The following FTCDNL1 variants were observed in gnomAD, a reference collection of about 807,000 sequenced individuals.
FTCDNL1 encodes formiminotransferase N-terminal subdomain-containing protein.
In FTCDNL1, 11 loss-of-function variants were observed where a neutral mutation model predicts 5.9. That is an observed-to-expected ratio of 1.87 (90% CI 1.18 to 3.10). The LOEUF (loss-of-function observed/expected upper bound fraction) is 3.10, where lower values mean the gene tolerates loss of function less well. Among genes scored for constraint, FTCDNL1 ranks in the 30% most tolerant of loss-of-function variants. FTCDNL1 has a pLI of 0.00. For synonymous variants in FTCDNL1, 58 were observed against 24.8 expected, an observed-to-expected ratio of 2.34 and a Z score of -3.99; for missense variants, 115 against 65.5, an observed-to-expected ratio of 1.76 and a Z score of -2.61.
the FTCDNL1 span, among the ~76,000 whole-genome samples, chr2:199,720,372 G>C: frequency 6.6e-6 from 1 of 152,166 alleles, no homozygotes; most frequent in South Asian, 2.1e-4. Context: ...CTTGGATTTG[G>C]CTAGTGGGTT....
intron 3 of FTCDNL1, 69 bp from the exon 4 acceptor site, chr2:199,819,826 AT>A (rs955636163): frequency 2.5e-4 from 165 of 652,652 alleles, no homozygotes; most frequent in Non-Finnish European, 4.2e-4. Context: ...AAAGCATATA[AT>A]TTTTTTGCTG....
chr2:199,672,947 T>C, the FTCDNL1 span, among the ~76,000 whole-genome samples: 2 of 152,138 alleles, frequency 1.3e-5, no homozygotes, highest in Admixed American at 1.3e-4. Context: ...CTCAATCTTT[T>C]ATTGCAGGAG....
chr2:199,729,596 T>A, the FTCDNL1 span, among the ~76,000 whole-genome samples: 2 of 152,260 alleles, frequency 1.3e-5, no homozygotes, highest in South Asian at 4.1e-4. Flanking sequence ...TGACTTCCCA[T>A]TCACAATTGC....
At chr2:199,750,798 T>A in the FTCDNL1 span, among the ~76,000 whole-genome samples, 1 of 152,258 alleles carries the variant, frequency 6.6e-6, no homozygotes, top group Admixed American at 6.5e-5. Flanking sequence ...ACTTGTCTGT[T>A]GATATTCTCT....
chr2:199,732,847 A>T, the FTCDNL1 span, among the ~76,000 whole-genome samples: 1 of 152,182 alleles, frequency 6.6e-6, no homozygotes, highest in African/African-American at 2.4e-5. Flanking sequence ...TCTCCATACT[A>T]CTTGAACATT....
intron 3 of FTCDNL1, among the ~76,000 whole-genome samples, chr2:199,836,361 G>A (rs770526282): frequency 5.3e-5 from 8 of 151,860 alleles, no homozygotes; most frequent in Non-Finnish European, 8.8e-5. Context: ...TTGTAGAGAC[G>A]AGGTCTCCCT....
the FTCDNL1 span, among the ~76,000 whole-genome samples, chr2:199,681,288 T>C: frequency 6.6e-6 from 1 of 151,612 alleles, no homozygotes; most frequent in African/African-American, 2.4e-5. Flanking sequence ...ACCCCATCTC[T>C]ACTAATAATA....
At chr2:199,765,917 G>A (rs1364126275) in intron 3 of FTCDNL1, among the ~76,000 whole-genome samples, 1 of 151,894 alleles carries the variant, frequency 6.6e-6, no homozygotes, top group Non-Finnish European at 1.5e-5. Flanking sequence ...TTCTCTCTGG[G>A]TCTCTTTCTC....
At chr2:199,719,117 A>G in the FTCDNL1 span, among the ~76,000 whole-genome samples, 1 of 151,948 alleles carries the variant, frequency 6.6e-6, no homozygotes, top group Non-Finnish European at 1.5e-5. Flanking sequence ...AATTGTCTAG[A>G]TCAGTGTGCA....
At chr2:199,752,738 C>CTG in the FTCDNL1 span, among the ~76,000 whole-genome samples, 41 of 25,266 alleles carry the variant, frequency 1.6e-3, no homozygotes, top group African/African-American at 2.1e-3. Context: ...ATCTCTCTCT[C>CTG]TCTGTGTGTG....
the FTCDNL1 span, among the ~76,000 whole-genome samples, chr2:199,735,126 AAAAAAAAAAC>A: frequency 6.6e-6 from 1 of 151,416 alleles, no homozygotes; most frequent in African/African-American, 2.4e-5. Flanking sequence ...AAAAAAAAAA[AAAAAAAAAAC>A]CACATTATTT....
At chr2:199,746,448 G>A in the FTCDNL1 span, among the ~76,000 whole-genome samples, 115,539 of 151,984 alleles carry the variant, frequency 0.76, 47,553 homozygotes, top group South Asian at 0.96. Flanking sequence ...GATCATCAAG[G>A]CAAAGCTTAA....
intron 3 of FTCDNL1, among the ~76,000 whole-genome samples, chr2:199,796,325 A>G (rs962903937): frequency 1.3e-5 from 2 of 152,212 alleles, no homozygotes; most frequent in African/African-American, 4.8e-5. Flanking sequence ...CTATCTTCCT[A>G]TGTATCATAT....
chr2:199,698,531 G>A, the FTCDNL1 span, among the ~76,000 whole-genome samples: 2 of 152,270 alleles, frequency 1.3e-5, no homozygotes, highest in Admixed American at 1.3e-4. Context: ...CAACTTTTGG[G>A]TAAGCAGTAA....
At chr2:199,695,484 T>G in the FTCDNL1 span, among the ~76,000 whole-genome samples, 1 of 152,092 alleles carries the variant, frequency 6.6e-6, no homozygotes, top group East Asian at 1.9e-4. Context: ...AAATATCTCT[T>G]AATAATAAAA....
At chr2:199,787,559 T>C (rs1285137991) in intron 3 of FTCDNL1, among the ~76,000 whole-genome samples, 1 of 152,166 alleles carries the variant, frequency 6.6e-6, no homozygotes, top group Non-Finnish European at 1.5e-5. Flanking sequence ...TGAGACTTTC[T>C]GGGGAGGGAC....
rs1701054555 is a variant in FTCDNL1, at chr2:199,811,829, TTAAAGA to T, written c.*870_*875del. Among the ~76,000 whole-genome samples, 1 of 152,174 alleles carries T rather than the reference TTAAAGA, an allele frequency of 6.6e-6. No individual in the cohort carries two copies. The highest frequency in any genetic ancestry group is 2.1e-4 in the South Asian group (1 of 4,824). On this transcript the variant is annotated 3_prime_UTR_variant, in exon 5 of 5. Coordinates refer to ENST00000420128, the MANE Select transcript of FTCDNL1 (RefSeq NM_001363886.2). Reference sequence around the variant, plus strand: ...TGAACTCATTGCCTAAGACAAATTATTAAAGATAAAGTAAGCTTAGACATAAGCCCT... The same window carrying T: ...TGAACTCATTGCCTAAGACAAATTATTAAAGTAAGCTTAGACATAAGCCCT...
chr2:199,790,480 A>G (rs1345271357), intron 3 of FTCDNL1, among the ~76,000 whole-genome samples: 2 of 150,894 alleles, frequency 1.3e-5, no homozygotes, highest in Non-Finnish European at 3.0e-5. Flanking sequence ...CTGGGGTGAC[A>G]GAGCGAGACT....
chr2:199,737,072 C>T, the FTCDNL1 span, among the ~76,000 whole-genome samples: 2 of 152,252 alleles, frequency 1.3e-5, no homozygotes, highest in Non-Finnish European at 2.9e-5. Context: ...AGCAACTTTA[C>T]TTTCTGTGTT....
Sources: gnomAD v4.1 joint callset for allele counts (sites outside exome capture counted in the v4.1 genomes callset) on GRCh38, gnomAD v4.1.1 for gene constraint, MANE v1.5 for transcripts, NCBI Gene and HGNC (gene_info 2026-07-23, HGNC 2026-07-21) for gene names.